The following PRUNE2 variants were observed in gnomAD, a reference collection of about 807,000 sequenced individuals.
PRUNE2 encodes the protein prune homolog 2 with BCH domain.
PRUNE2 carries 164 observed loss-of-function variants against 252.0 expected under a neutral mutation model. That is an observed-to-expected ratio of 0.65 (90% CI 0.57 to 0.74). The LOEUF (loss-of-function observed/expected upper bound fraction) is 0.74. Among genes scored for constraint, PRUNE2 ranks in the 30% least tolerant of loss-of-function variants. The pLI, the probability that PRUNE2 is intolerant of heterozygous loss-of-function variation, is 0.00. For synonymous variants in PRUNE2, 1,292 were observed against 1,350.2 expected (o/e 0.96, Z 0.94); for missense variants, 3,495 against 3,711.0 (o/e 0.94, Z 1.51).
At chr9:76,869,087 C>A (rs2061031822) in intron 1 of PRUNE2, 1 of 152,194 alleles carries the variant, frequency 6.6e-6, no homozygotes, top group Non-Finnish European at 1.5e-5. Flanking sequence ...AGACTTTTCC[C>A]AGAAGCTTTG....
At chr9:76,740,960 C>T (rs57532377) in intron 6 of PRUNE2, among the ~76,000 whole-genome samples, 8,505 of 152,228 alleles carry the variant, frequency 0.056, 735 homozygotes, top group African/African-American at 0.19. Flanking sequence ...TTGAACCCCA[C>T]ATCAAATGAA....
chr9:76,636,487 TCA>T lies in PRUNE2; in HGVS notation c.9032_9033del (p.Val3011AspfsTer12). 6.5e-7 allele frequency: 1 copy of T among 1,537,228 alleles called. No homozygotes were observed. The highest frequency in any genetic ancestry group is 8.8e-7 in the Non-Finnish European group (1 of 1,130,586). On this transcript the variant is annotated frameshift_variant, in exon 15 of 19. Transcript: ENST00000376718. LOFTEE classifies it high-confidence loss of function. ...PSWFIRTILA[V>X]TRPFISSKFS... The stretch of plus-strand genomic sequence containing the variant: ...TAACTGTACCTTATAAAAGGTCGTG[TCA>T]CAGCAAGGATTGTTCTGATGAACCA...
At chr9:76,897,732 C>T (rs1419728859) in intron 1 of PRUNE2, among the ~76,000 whole-genome samples, 1 of 152,082 alleles carries the variant, frequency 6.6e-6, no homozygotes, top group African/African-American at 2.4e-5. Flanking sequence ...AACCTCTTAA[C>T]CTCACTGAGC....
chr9:76,685,470 G>A (rs919864533), intron 9 of PRUNE2, among the ~76,000 whole-genome samples: 2 of 152,266 alleles, frequency 1.3e-5, no homozygotes, highest in Admixed American at 6.5e-5. Context: ...TTAACCCTTA[G>A]TACCTCAAGG....
chr9:76,649,166 C>T (rs1349037108), intron 11 of PRUNE2, among the ~76,000 whole-genome samples: 3 of 152,158 alleles, frequency 2.0e-5, no homozygotes, highest in African/African-American at 7.2e-5. Context: ...AAGCAAAAAG[C>T]ATTAATGAAA....
rs145180066 is a variant in PRUNE2 at position 76,780,199 on chromosome 9, G to A, written c.756+43433C>T. Among the ~76,000 whole-genome samples the A allele has an allele frequency of 3.2e-3, 493 of 152,218 alleles. 5 individuals are homozygous for A. Among genetic ancestry groups the A allele is most frequent in the African/African-American group, 0.012 (483 of 41,528 alleles). ...TAAAACTGGTTAGCGATAGCTACAT[G>A]ACCCAATTATATTTTCTATATTTAT... On this transcript the variant is annotated intron_variant, in intron 6 of 18. Transcript: ENST00000376718.
At chr9:76,717,419 G>A (rs773938371) in intron 6 of PRUNE2, among the ~76,000 whole-genome samples, 6 of 152,112 alleles carry the variant, frequency 3.9e-5, no homozygotes, top group Non-Finnish European at 7.4e-5. Context: ...AGCTAGGCTG[G>A]CCCTGAATAA....
At chr9:76,840,876 GAGGCTGACGC>G (rs1472795313) in intron 4 of PRUNE2, among the ~76,000 whole-genome samples, 1 of 152,098 alleles carries the variant, frequency 6.6e-6, no homozygotes, top group African/African-American at 2.4e-5. Context: ...AGCTACTTGA[GAGGCTGACGC>G]AGGAGAATCG....
intron 9 of PRUNE2, among the ~76,000 whole-genome samples, chr9:76,676,045 C>T (rs1470941461): frequency 1.4e-5 from 2 of 139,468 alleles, no homozygotes. Context: ...TGCACATGTA[C>T]CCTAAAACTT....
intron 1 of PRUNE2, among the ~76,000 whole-genome samples, chr9:76,879,573 T>C (rs1033653993): frequency 3.3e-5 from 5 of 151,806 alleles, no homozygotes; most frequent in Non-Finnish European, 5.9e-5. Context: ...CAAATAGAGA[T>C]GAATATTAAG....
chr9:76,629,547 A>G (rs536820935), intron 15 of PRUNE2, among the ~76,000 whole-genome samples: 1 of 151,006 alleles, frequency 6.6e-6, no homozygotes, highest in Non-Finnish European at 1.5e-5. Context: ...TGAAATATGT[A>G]TACGTTGTGG....
At chr9:76,791,262 C>T (rs1011710767) in intron 6 of PRUNE2, among the ~76,000 whole-genome samples, 1 of 147,036 alleles carries the variant, frequency 6.8e-6, no homozygotes, top group African/African-American at 2.5e-5. Flanking sequence ...ATCATTGGTA[C>T]AATAATACTG....
intron 16 of PRUNE2, among the ~76,000 whole-genome samples, chr9:76,628,376 C>G (rs764674438): frequency 2.0e-5 from 3 of 152,208 alleles, no homozygotes; most frequent in Non-Finnish European, 4.4e-5. Flanking sequence ...TCCTCACCAC[C>G]TCACCCACCA....
At chr9:76,676,801 G>T (rs1047278256) in intron 9 of PRUNE2, among the ~76,000 whole-genome samples, 36 of 152,154 alleles carry the variant, frequency 2.4e-4, no homozygotes, top group African/African-American at 8.4e-4. Flanking sequence ...CATAATCGGG[G>T]CTCCTGACAT....
intron 1 of PRUNE2, among the ~76,000 whole-genome samples, chr9:76,860,146 G>T (rs1157407096): frequency 1.3e-5 from 2 of 152,144 alleles, no homozygotes; most frequent in African/African-American, 4.8e-5. Flanking sequence ...GGACCAGGGG[G>T]TGTTTCTCAG....
rs768525886 is a variant in PRUNE2, at chr9:76,711,019, C to T, written c.1255G>A (p.Ala419Thr). ...TCTGGGCTAACAAGGTCTACATTGG[C>T]ATCCACCTGAGCCTGGTTAGAATCA... ...LNDSNQAQVD[A>T]NVDLVSPDSG... The change falls in exon 8 of 19, where the codon GCC (alanine) becomes ACC (threonine). Residue 419 changes from alanine to threonine, a missense_variant. Physicochemically the swap from Ala to Thr is moderately conservative, Grantham distance 58 (BLOSUM62 0). Coordinates refer to ENST00000376718, the MANE Select transcript of PRUNE2 (RefSeq NM_015225.3). 6.2e-7 allele frequency: 1 copy of T among 1,613,728 alleles called. No individual in the cohort carries two copies. The highest frequency in any genetic ancestry group is 8.5e-7 in the Non-Finnish European group (1 of 1,179,788).
In PRUNE2 at chr9:76,706,057, C is replaced by T. The variant is rs909652733; in HGVS notation, c.6217G>A (p.Asp2073Asn). 1 of 1,614,054 alleles carries T rather than the reference C, an allele frequency of 6.2e-7. No homozygotes were observed. Among genetic ancestry groups the T allele is most frequent in the Non-Finnish European group, 8.5e-7 (1 of 1,179,904 alleles). Residue 2073 changes from aspartate to asparagine, a missense_variant, in exon 8 of 19, where the codon GAT becomes AAT. Transcript: ENST00000376718. Reference protein sequence around the residue: ...LASAAPDLWIDAKKPFSLKAD... With the variant: ...LASAAPDLWINAKKPFSLKAD... ...TTCAAACTGAAGGGCTTCTTAGCAT[C>T]TATCCACAAGTCAGGCGCGGCAGAG...
Position 76,816,979 on chromosome 9 carries a change from GCA to G in PRUNE2, c.756+6651_756+6652del, listed in dbSNP as rs531064113. Among the ~76,000 whole-genome samples the G allele has an allele frequency of 1.5e-4, 23 of 152,098 alleles. No homozygotes were observed. The East Asian group carries it at 4.2e-3, about 28-fold the overall frequency. On this transcript the variant is annotated intron_variant, in intron 6 of 18. Transcript: ENST00000376718. ...TCTTGCCAAATCTTCTCTGTATCAG[GCA>G]CCAATAATTAGCTTCACAATGAGCA...
intron 1 of PRUNE2, among the ~76,000 whole-genome samples, chr9:76,866,454 G>A (rs1005588027): frequency 6.6e-6 from 1 of 152,134 alleles, no homozygotes; most frequent in African/African-American, 2.4e-5. Context: ...TGTCTCATTC[G>A]GTTGACAAAA....
Sources: allele counts gnomAD v4.1 joint callset (sites outside exome capture counted in the v4.1 genomes callset), GRCh38; gene constraint gnomAD v4.1.1; transcripts MANE v1.5; gene names NCBI Gene and HGNC (gene_info 2026-07-23, HGNC 2026-07-21).